Variants in GRM7 observed in about 807,000 individuals in gnomAD.
GRM7 encodes glutamate metabotropic receptor 7.
GRM7 carries 35 observed loss-of-function variants against 84.5 expected under a neutral mutation model. That is an observed-to-expected ratio of 0.41 (90% CI 0.32 to 0.55). The LOEUF is 0.55. Among genes scored for constraint, GRM7 ranks in the 20% least tolerant of loss-of-function variants. The pLI is 0.19. For synonymous variants in GRM7, 487 were observed against 455.1 expected, an observed-to-expected ratio of 1.07 and a Z score of -0.89; for missense variants, 1,003 against 1,194.6, an observed-to-expected ratio of 0.84 and a Z score of 2.36.
intron 2 of GRM7, among the ~76,000 whole-genome samples, chr3:7,167,605 C>A (rs1694841173): frequency 6.6e-6 from 1 of 152,130 alleles, no homozygotes; most frequent in Non-Finnish European, 1.5e-5. Flanking sequence ...CCTTCGGAAT[C>A]TTCTTTCTAG....
At chr3:7,053,342 C>G (rs1025247230) in intron 1 of GRM7, among the ~76,000 whole-genome samples, 46 of 151,044 alleles carry the variant, frequency 3.0e-4, no homozygotes, top group Non-Finnish European at 5.0e-4. Flanking sequence ...CAGGGTGTAG[C>G]TGTTATTTTC....
chr3:6,900,926 A>G (rs1696360401), intron 1 of GRM7, among the ~76,000 whole-genome samples: 2 of 152,214 alleles, frequency 1.3e-5, no homozygotes, highest in South Asian at 4.1e-4. Flanking sequence ...TTCTGGCATT[A>G]GAACCTGGCA....
At chr3:7,350,293 A>T (rs1447513614) in intron 4 of GRM7, among the ~76,000 whole-genome samples, 1 of 152,064 alleles carries the variant, frequency 6.6e-6, no homozygotes, top group Non-Finnish European at 1.5e-5. Flanking sequence ...GTAATGCCTA[A>T]TATTGGAGGT....
chr3:7,460,120 A>AAAAAAAAAAAAAAAAT (rs1698182604), intron 6 of GRM7, among the ~76,000 whole-genome samples: 1 of 150,318 alleles, frequency 6.7e-6, no homozygotes, highest in Non-Finnish European at 1.5e-5. Context: ...AAAAAAAAAA[A>AAAAAAAAAAAAAAAAT]AAAAAAAAAG....
intron 4 of GRM7, among the ~76,000 whole-genome samples, chr3:7,372,975 A>G (rs1694201620): frequency 6.6e-6 from 1 of 152,144 alleles, no homozygotes. Context: ...CTAAGCCAGC[A>G]TAGTTCAAGT....
intron 2 of GRM7, among the ~76,000 whole-genome samples, chr3:7,194,589 G>A (rs891705099): frequency 2.0e-5 from 3 of 152,058 alleles, no homozygotes; most frequent in Non-Finnish European, 4.4e-5. Context: ...GACCCTTCAC[G>A]CCTTCCTCTC....
At chr3:7,225,044 C>A (rs1696938291) in intron 2 of GRM7, among the ~76,000 whole-genome samples, 1 of 152,034 alleles carries the variant, frequency 6.6e-6, no homozygotes, top group Admixed American at 6.6e-5. Flanking sequence ...TTAGTCTGTG[C>A]AGCATAATAT....
chr3:7,598,288 G>A (rs908383496), intron 8 of GRM7, among the ~76,000 whole-genome samples: 3 of 152,190 alleles, frequency 2.0e-5, no homozygotes, highest in African/African-American at 7.2e-5. Flanking sequence ...TTGGACACAT[G>A]TCCTTTGCTT....
intron 9 of GRM7, chr3:7,691,305 C>T (rs1700792547): frequency 4.0e-6 from 5 of 1,250,464 alleles, no homozygotes; most frequent in South Asian, 2.6e-5. Flanking sequence ...GAAAACATGA[C>T]ATGGATCAGC....
At chr3:7,633,091 A>G (rs1378509717) in intron 8 of GRM7, among the ~76,000 whole-genome samples, 1 of 152,266 alleles carries the variant, frequency 6.6e-6, no homozygotes, top group Non-Finnish European at 1.5e-5. Context: ...TGTAATGGGT[A>G]TAAAACTCTA....
chr3:7,724,596 G>C (rs1702060033), intron 9 of GRM7, among the ~76,000 whole-genome samples: 1 of 152,126 alleles, frequency 6.6e-6, no homozygotes, highest in Admixed American at 6.5e-5. Flanking sequence ...TCACCACTTT[G>C]CATCTATCTC....
chr3:7,446,331 G>A (rs1321252086), intron 5 of GRM7, among the ~76,000 whole-genome samples: 1 of 151,946 alleles, frequency 6.6e-6, no homozygotes, highest in African/African-American at 2.4e-5. Flanking sequence ...GAATCTTTCT[G>A]GCATCTGTGT....
At chr3:7,526,440 A>T (rs1700810729) in intron 7 of GRM7, among the ~76,000 whole-genome samples, 1 of 151,890 alleles carries the variant, frequency 6.6e-6, no homozygotes, top group Admixed American at 6.6e-5. Flanking sequence ...TCCATTGTTG[A>T]ATGCATAGTT....
chr3:7,588,355 C>T (rs576204199), intron 8 of GRM7, among the ~76,000 whole-genome samples: 1 of 152,308 alleles, frequency 6.6e-6, no homozygotes, highest in Non-Finnish European at 1.5e-5. Flanking sequence ...CAGCTTGTTA[C>T]CTTTTATAAT....
intron 7 of GRM7, among the ~76,000 whole-genome samples, chr3:7,538,456 TA>T (rs1293094839): frequency 1.3e-5 from 2 of 152,214 alleles, no homozygotes; most frequent in Non-Finnish European, 2.9e-5. Context: ...TGGCCTGCTT[TA>T]GCTGTTCCTG....
intron 9 of GRM7, among the ~76,000 whole-genome samples, chr3:7,696,577 C>A (rs1701029126): frequency 6.6e-6 from 1 of 152,154 alleles, no homozygotes. Context: ...CTTCACCCAA[C>A]CTTAAACAGA....
intron 7 of GRM7, among the ~76,000 whole-genome samples, chr3:7,465,684 C>T (rs1172657643): frequency 6.6e-6 from 1 of 152,012 alleles, no homozygotes; most frequent in Admixed American, 6.5e-5. Context: ...TATGTCTCCT[C>T]ACAAAGATTC....
At chr3:7,496,457 TAAAA>T (rs1303610403) in intron 7 of GRM7, among the ~76,000 whole-genome samples, 1 of 151,924 alleles carries the variant, frequency 6.6e-6, no homozygotes, top group African/African-American at 2.4e-5. Flanking sequence ...AATGATGTCA[TAAAA>T]AAACACAAAC....
chr3:7,223,712 G>A (rs982477724), intron 2 of GRM7, among the ~76,000 whole-genome samples: 5 of 152,098 alleles, frequency 3.3e-5, no homozygotes, highest in Admixed American at 2.6e-4. Flanking sequence ...TTCTCACAGG[G>A]ACACTCTTAA....
Sources: gnomAD v4.1 joint callset for allele counts (sites outside exome capture counted in the v4.1 genomes callset) on GRCh38, gnomAD v4.1.1 for gene constraint, MANE v1.5 for transcripts, NCBI Gene and HGNC (gene_info 2026-07-23, HGNC 2026-07-21) for gene names.